The following TNRC18 variants were observed in gnomAD, a reference collection of about 807,000 sequenced individuals.
The protein encoded by TNRC18 is trinucleotide repeat containing 18.
A neutral mutation model predicts 226.7 loss-of-function variants in TNRC18; 69 were observed. The observed-to-expected ratio is 0.30, with a 90% CI of 0.25 to 0.37. The LOEUF (loss-of-function observed/expected upper bound fraction) is 0.37, where lower values mean the gene tolerates loss of function less well. Among genes scored for constraint, TNRC18 ranks in the 10% least tolerant of loss-of-function variants. The probability of loss-of-function intolerance (pLI) is 1.00; values close to 1 mark genes in which losing one functional copy is unlikely to be tolerated. For missense variants in TNRC18, 4,754 were observed against 4,256.6 expected (o/e 1.12, Z -3.25); for synonymous variants, 2,449 against 1,927.6 (o/e 1.27, Z -7.09).
intron 3 of TNRC18, 124 bp from the exon 4 acceptor site, chr7:5,390,752 A>C: frequency 8.9e-7 from 1 of 1,119,448 alleles, no homozygotes; most frequent in East Asian, 2.7e-5. Flanking sequence ...CTTGAGGTTT[A>C]ACAGCAGCTC....
intron 19 of TNRC18, among the ~76,000 whole-genome samples, chr7:5,328,079 G>A (rs540293504): frequency 5.3e-5 from 8 of 152,002 alleles, no homozygotes; most frequent in South Asian, 4.1e-4. Flanking sequence ...AAAATTAGGC[G>A]TGAGGGCACG....
intron 2 of TNRC18, among the ~76,000 whole-genome samples, chr7:5,411,173 G>A (rs1781815451): frequency 7.0e-6 from 1 of 142,866 alleles, no homozygotes; most frequent in Admixed American, 7.3e-5. Context: ...CTGAGATCGT[G>A]CCACTGCACT....
intron 17 of TNRC18, among the ~76,000 whole-genome samples, chr7:5,351,426 CAA>C (rs1234902527): frequency 7.5e-6 from 1 of 132,940 alleles, no homozygotes; most frequent in Admixed American, 8.7e-5. Flanking sequence ...AACCCGTGCC[CAA>C]AGAGAGCCCG....
chr7:5,376,173 G>A lies in TNRC18; in HGVS notation c.2660C>T (p.Pro887Leu), dbSNP rs772713044. 48 of 1,574,306 alleles carry A rather than the reference G, an allele frequency of 3.0e-5. No individual in the cohort carries two copies. Among genetic ancestry groups the A allele is most frequent in the South Asian group, 1.8e-4 (15 of 85,664 alleles). The change falls in exon 9 of 30, where the codon CCG (proline) becomes CTG (leucine). Residue 887 changes from proline (P) to leucine (L), a missense_variant. Pro to Leu is a moderately conservative substitution (Grantham distance 98, BLOSUM62 -3). Transcript: ENST00000430969. ...TVPPLWPALY[P>L]PGRSPLHHAQ... ...GTGGTGCAGGGGGCTGCGGCCCGGC[G>A]GGTACAGGGCGGGCCAGAGGGGCGG...
At chr7:5,331,502 C>T (rs532619596) in intron 19 of TNRC18, among the ~76,000 whole-genome samples, 16 of 152,202 alleles carry the variant, frequency 1.1e-4, no homozygotes, top group Admixed American at 9.2e-4. Flanking sequence ...GAGTGGAGGC[C>T]ACAAACCACA....
intron 29 of TNRC18, among the ~76,000 whole-genome samples, chr7:5,308,609 G>A (rs1349526746): frequency 4.6e-5 from 7 of 152,154 alleles, no homozygotes; most frequent in African/African-American, 1.7e-4. Flanking sequence ...TAGAGGTTGG[G>A]AGAGACCCAG....
chr7:5,337,856 G>A (rs1425225794), intron 18 of TNRC18, among the ~76,000 whole-genome samples: 3 of 151,974 alleles, frequency 2.0e-5, no homozygotes, highest in African/African-American at 7.3e-5. Context: ...GGTGGGAGGT[G>A]CCTGTAATCC....
At chr7:5,382,111 C>T (rs1010131730) in intron 5 of TNRC18, among the ~76,000 whole-genome samples, 2 of 152,312 alleles carry the variant, frequency 1.3e-5, no homozygotes, top group Middle Eastern at 6.8e-3. Flanking sequence ...GGAGGCAGAT[C>T]CCAGCCCTCA....
intron 29 of TNRC18, among the ~76,000 whole-genome samples, chr7:5,308,635 A>G (rs1786846736): frequency 6.6e-6 from 1 of 152,168 alleles, no homozygotes; most frequent in South Asian, 2.1e-4. Flanking sequence ...GTCAGAGGGC[A>G]AGAATGGCCA....
At chr7:5,399,552 C>T (rs940633770) in intron 2 of TNRC18, among the ~76,000 whole-genome samples, 1 of 151,626 alleles carries the variant, frequency 6.6e-6, no homozygotes, top group African/African-American at 2.4e-5. Flanking sequence ...ACCAATAATA[C>T]AAAATTAGCC....
intron 5 of TNRC18, among the ~76,000 whole-genome samples, chr7:5,386,456 A>T (rs575328188): frequency 6.6e-6 from 1 of 151,678 alleles, no homozygotes; most frequent in African/African-American, 2.4e-5. Flanking sequence ...GCATACCTGT[A>T]ATGCCAGCTA....
chr7:5,351,714 TCACC>T, intron 17 of TNRC18, 101 bp downstream of exon 17: 1 of 1,344,746 alleles, frequency 7.4e-7, no homozygotes, highest in Non-Finnish European at 1.0e-6. Flanking sequence ...ACGGGCCTCC[TCACC>T]CACCATCTCT....
chr7:5,399,643 C>T (rs62443191), intron 2 of TNRC18, among the ~76,000 whole-genome samples: 31,992 of 151,774 alleles, frequency 0.21, 3,865 homozygotes, highest in Middle Eastern at 0.3. Flanking sequence ...GAGGCAGAGG[C>T]TGCAGTGAGC....
In TNRC18 at chr7:5,388,688, TC is replaced by T; in HGVS notation, c.1135del (p.Glu379ArgfsTer211). The T allele has an allele frequency of 7.9e-7, 1 of 1,267,118 alleles. No homozygotes were observed. The allele number at this position is 1,267,118 out of a possible 1,614,324, so 78.5% of individuals were successfully genotyped here. On this transcript the variant is annotated frameshift_variant, in exon 5 of 30. Transcript: ENST00000430969. LOFTEE classifies it high-confidence loss of function. ...GGGCCCCGGGCGCTCGTCGAAGGCC[TC>T]CACGGAAGGCACGAAGGTGGGCGCC... ...VVAPTFVPSV[E>X]AFDERPGPIQ...
rs35700062 is a variant in TNRC18, at chr7:5,368,688, A to T, written c.4219+1687T>A. ...TCAAAAAAAAAAAAAAAAAAAAAAA[A>T]TTTAAGTGAAAAGGGCAGGGCAGGT... On this transcript the variant is annotated intron_variant, in intron 11 of 29. Coordinates refer to ENST00000430969, the MANE Select transcript of TNRC18 (RefSeq NM_001080495.3). 1.2e-4 allele frequency among the ~76,000 whole-genome samples: 16 copies of T among 133,668 alleles called. No individual in the cohort carries two copies. The East Asian group carries it at 3.1e-3, about 26-fold the overall frequency. The allele number at this position is 133,668 out of a possible 152,430, so 87.7% of individuals were successfully genotyped here.
In TNRC18 at chr7:5,370,444, G is replaced by A. The variant is rs1171484935; in HGVS notation, c.4150C>T (p.Leu1384=). ...AESLVLEQSF[L]HGITLLSEIA... is the part of the protein sequence containing the mutation. ...TCACTTAGCAGGGTGATGCCATGCA[G>A]GAAGCTCTGCTCCAAGACAAGGCTC... The change falls in exon 11 of 30, where the codon CTG becomes TTG. Residue 1384 remains leucine (L), a synonymous_variant. Coordinates refer to ENST00000430969, the MANE Select transcript of TNRC18 (RefSeq NM_001080495.3). The A allele has an allele frequency of 2.6e-6, 4 of 1,562,016 alleles. No homozygotes were observed. Among genetic ancestry groups the A allele is most frequent in the Non-Finnish European group, 3.5e-6 (4 of 1,152,720 alleles).
chr7:5,346,212 AG>A (rs1791179526), intron 17 of TNRC18, among the ~76,000 whole-genome samples: 1 of 152,098 alleles, frequency 6.6e-6, no homozygotes, highest in South Asian at 2.1e-4. Context: ...GAGGAAGCGG[AG>A]GGAGGTGAGC....
intron 17 of TNRC18, among the ~76,000 whole-genome samples, chr7:5,347,676 G>A (rs1364937910): frequency 6.7e-6 from 1 of 149,348 alleles, no homozygotes; most frequent in Non-Finnish European, 1.5e-5. Context: ...AAAATAAATA[G>A]GCCAGCGCAG....
intron 11 of TNRC18, among the ~76,000 whole-genome samples, chr7:5,369,638 G>C (rs1470736476): frequency 6.6e-6 from 1 of 152,116 alleles, no homozygotes; most frequent in Non-Finnish European, 1.5e-5. Context: ...GGCCTGTGTA[G>C]GAAAAGAAAG....
Sources: gnomAD v4.1 joint callset for allele counts (sites outside exome capture counted in the v4.1 genomes callset) on GRCh38, gnomAD v4.1.1 for gene constraint, MANE v1.5 for transcripts, NCBI Gene and HGNC (gene_info 2026-07-23, HGNC 2026-07-21) for gene names.